Variants in NOTCH1 observed in about 807,000 individuals in gnomAD.
NOTCH1 encodes the protein neurogenic locus notch homolog protein 1.
NOTCH1 carries 37 observed loss-of-function variants against 254.8 expected under a neutral mutation model. The observed-to-expected ratio is 0.15, with a 90% CI of 0.11 to 0.19. The LOEUF (loss-of-function observed/expected upper bound fraction) is 0.19. Among genes scored for constraint, NOTCH1 ranks in the 10% least tolerant of loss-of-function variants. NOTCH1 has a pLI of 1.00. For synonymous variants in NOTCH1, 1,731 were observed against 1,618.1 expected (o/e 1.07, Z -1.68); for missense variants, 2,972 against 3,708.6 (o/e 0.80, Z 5.16).
rs11574900 is a variant in NOTCH1 at position 136,509,316 on chromosome 9, G to A, written c.2970-245C>T. Among the ~76,000 whole-genome samples, 688 of 152,284 alleles carry A rather than the reference G, an allele frequency of 4.5e-3. 5 individuals carry two copies. The highest frequency in any genetic ancestry group is 0.017 in the Middle Eastern group (5 of 294). ...CAGGTCGAGAGTGGTTTTACCAAAC[G>A]CGTGGGCATAGGGTGGTTAAAGTAA... On this transcript the variant is annotated intron_variant, in intron 18 of 33. Transcript: ENST00000651671.
At chr9:136,524,308 A>C (rs1244061878) in intron 2 of NOTCH1, among the ~76,000 whole-genome samples, 1 of 152,094 alleles carries the variant, frequency 6.6e-6, no homozygotes, top group Non-Finnish European at 1.5e-5. Context: ...TCAAAAAAAG[A>C]AAGAAAGAAG....
At chr9:136,537,762 C>T (rs551956077) in intron 2 of NOTCH1, among the ~76,000 whole-genome samples, 1 of 152,304 alleles carries the variant, frequency 6.6e-6, no homozygotes, top group East Asian at 1.9e-4. Context: ...CACCACTTCA[C>T]TCCAGCCTGT....
intron 2 of NOTCH1, among the ~76,000 whole-genome samples, chr9:136,535,397 A>G (rs867491324): frequency 5.9e-5 from 9 of 151,806 alleles, no homozygotes; most frequent in African/African-American, 2.2e-4. Flanking sequence ...TGAGCCTGTG[A>G]GTGGGGGGTT....
chr9:136,509,692 C>T (rs2133350072), intron 18 of NOTCH1, 41 bp downstream of exon 18: 1 of 1,584,216 alleles, frequency 6.3e-7, no homozygotes, highest in Non-Finnish European at 8.7e-7. Context: ...GTGGCCCGCA[C>T]CGCCCGTTCC....
At position 136,499,117 on chromosome 9, in the gene NOTCH1, T is replaced by A. The variant is rs1842959462; in HGVS notation, c.6077A>T (p.Asp2026Val). Residue 2026 changes from aspartate (D) to valine (V), a missense_variant, in exon 32 of 34, where the codon GAC (aspartate) becomes GTC (valine). Asp to Val is a radical substitution (Grantham distance 152). Around this residue, in one of 8 missense-constraint regions of NOTCH1, gnomAD observed 421 missense variants for 604.4 expected, o/e 0.70. Transcript: ENST00000651671. The part of the protein sequence containing the change: ...NSHADVNAVD[D>V]LGKSALHWAA... ...CCGTGCCCCCGTGGGCTCACCCAGG[T>A]CATCTACGGCGTTGACGTCGGCGTG... 6.2e-7 allele frequency: 1 copy of A among 1,613,048 alleles called. No homozygotes were observed. The highest frequency in any genetic ancestry group is 1.3e-5 in the African/African-American group (1 of 74,942).
rs1033593566 is a variant in NOTCH1 at position 136,497,036 on chromosome 9, G to A, written c.6703C>T (p.Pro2235Ser). The A allele has an allele frequency of 1.9e-6, 3 of 1,609,530 alleles. No individual in the cohort carries two copies. The highest frequency in any genetic ancestry group is 2.5e-6 in the Non-Finnish European group (3 of 1,178,284). Residue 2235 changes from proline to serine, a missense_variant, in exon 34 of 34, where the codon CCT (proline) becomes TCT (serine). By Grantham distance (74) the Pro-to-Ser change is moderately conservative (BLOSUM62 -1). This residue lies in a region of NOTCH1 where 529 missense variants were observed against 529.2 expected (regional missense o/e 1.00). Transcript: ENST00000651671. Reference protein sequence around the residue: ...QSPSVPLNHLPGMPDTHLGIG... With the variant: ...QSPSVPLNHLSGMPDTHLGIG... Reference sequence around the variant, plus strand: ...CCCAGGTGGGTGTCGGGCATCCCAGGCAGGTGGTTGAGGGGCACGGACGGA... The same window carrying A: ...CCCAGGTGGGTGTCGGGCATCCCAGACAGGTGGTTGAGGGGCACGGACGGA...
Position 136,515,685 on chromosome 9 carries a change from G to T in NOTCH1, c.1701C>A (p.Ile567=), listed in dbSNP as rs773932034. 5 of 1,554,636 alleles carry T rather than the reference G, an allele frequency of 3.2e-6. No individual in the cohort carries two copies. Among genetic ancestry groups the T allele is most frequent in the Non-Finnish European group, 3.5e-6 (4 of 1,155,644 alleles). ...GGCAGGGGTCGGGGTCGCACTCATC[G>T]ATGTCCACCTCGCAGTGCGTCCCCG... The part of the protein sequence containing the change: ...GYTGTHCEVD[I]DECDPDPCHY... The change falls in exon 11 of 34, where the codon ATC becomes ATA. Residue 567 remains isoleucine, a synonymous_variant. Coordinates refer to ENST00000651671, the MANE Select transcript of NOTCH1 (RefSeq NM_017617.5).
At chr9:136,522,174 T>G (rs2133376338) in intron 4 of NOTCH1, among the ~76,000 whole-genome samples, 1 of 152,214 alleles carries the variant, frequency 6.6e-6, no homozygotes, top group African/African-American at 2.4e-5. Flanking sequence ...AGACGGGGTT[T>G]CGCCGTGTTA....
chr9:136,496,399 C>G lies in NOTCH1; in HGVS notation c.7340G>C (p.Gly2447Ala), dbSNP rs1222163480. Residue 2447 changes from glycine (G) to alanine (A), a missense_variant, in exon 34 of 34, where the codon GGC (glycine) becomes GCC (alanine). Gly to Ala is a moderately conservative substitution (Grantham distance 60, BLOSUM62 0). Coordinates refer to ENST00000651671, the MANE Select transcript of NOTCH1 (RefSeq NM_017617.5). ...AGTGTGCACCGCCAGGCTGCTGGGG[C>G]CCAGTGGCTGCACGTCTGCCTGGCT... ...EPSQADVQPL[G>A]PSSLAVHTIL... 1 of 1,599,020 alleles carries G rather than the reference C, an allele frequency of 6.3e-7. No individual in the cohort carries two copies. Among genetic ancestry groups the G allele is most frequent in the Non-Finnish European group, 8.5e-7 (1 of 1,178,984 alleles).
At chr9:136,499,312 C>T (rs1321961825) in intron 31 of NOTCH1, 53 bp from the exon 32 acceptor site, 2 of 1,601,086 alleles carry the variant, frequency 1.2e-6, no homozygotes, top group Non-Finnish European at 1.7e-6. Flanking sequence ...ACACCGATGC[C>T]TCCTGCCCAG....
rs1843299996 is a variant in NOTCH1, at chr9:136,517,778, C to T, written c.1415G>A (p.Gly472Glu). The stretch of plus-strand genomic sequence containing the variant: ...GGGCATGCAGATGCACTGGAACTCC[C>T]CAATCTGGTCCAGGCAGGTGGCGTC... ...QNDATCLDQI[G>E]EFQCICMPGY... Residue 472 changes from glycine (G) to glutamate (E), a missense_variant, in exon 8 of 34, where the codon GGG (glycine) becomes GAG (glutamate). Physicochemically the swap from Gly to Glu is moderately conservative, Grantham distance 98. Coordinates refer to ENST00000651671, the MANE Select transcript of NOTCH1 (RefSeq NM_017617.5). 1 of 1,612,592 alleles carries T rather than the reference C, an allele frequency of 6.2e-7. No homozygotes were observed. The highest frequency in any genetic ancestry group is 1.3e-5 in the African/African-American group (1 of 74,922).
chr9:136,544,276 C>T (rs535940547), intron 1 of NOTCH1, among the ~76,000 whole-genome samples, 174 bp from the exon 2 acceptor site: 1 of 152,204 alleles, frequency 6.6e-6, no homozygotes, highest in Non-Finnish European at 1.5e-5. Flanking sequence ...GCAGGAAGCC[C>T]CTCCATGAAA....
At chr9:136,516,651 A>C (rs3124604) in intron 9 of NOTCH1, among the ~76,000 whole-genome samples, 68,699 of 151,998 alleles carry the variant, frequency 0.45, 17,245 homozygotes, top group East Asian at 0.86. Flanking sequence ...CCCTCCCAGC[A>C]TCGAGCCCTC....
At chr9:136,531,012 C>A (rs979060236) in intron 2 of NOTCH1, among the ~76,000 whole-genome samples, 2 of 152,250 alleles carry the variant, frequency 1.3e-5, no homozygotes, top group Admixed American at 1.3e-4. Context: ...AGGGGCTCCC[C>A]GGAGGGGCTC....
chr9:136,507,627 C>A (rs1436028146), intron 21 of NOTCH1, among the ~76,000 whole-genome samples, 190 bp from the exon 22 acceptor site: 1 of 152,192 alleles, frequency 6.6e-6, no homozygotes, highest in African/African-American at 2.4e-5. Context: ...CCTCGGTGAC[C>A]GGAGTCACTG....
intron 13 of NOTCH1, among the ~76,000 whole-genome samples, chr9:136,514,113 G>A (rs1047552580): frequency 4.1e-4 from 63 of 152,302 alleles, no homozygotes; most frequent in African/African-American, 1.4e-3. Flanking sequence ...GTGTGGCCCC[G>A]AACAAAGCAC....
chr9:136,506,382 CT>C lies in NOTCH1; in HGVS notation c.4014+144del. 4 of 632,634 alleles carry C rather than the reference CT, an allele frequency of 6.3e-6. No individual in the cohort carries two copies. The highest frequency in any genetic ancestry group is 1.1e-5 in the Non-Finnish European group (4 of 379,348). 39.2% of individuals were successfully genotyped at this position (632,634 alleles called of 1,614,324 possible). A position where few individuals can be genotyped will look rare whatever the true frequency, so the allele number is the denominator to read the frequency against. On this transcript the variant is annotated intron_variant, in intron 24 of 33. Coordinates refer to ENST00000651671, the MANE Select transcript of NOTCH1 (RefSeq NM_017617.5). This position sits in a 1 kb window ranked among gnomAD's most constrained non-coding sequence, Gnocchi z 4.5. ...ATGTCTCTAAAATCATTTATTGAAA[CT>C]AAAAAAAAAAAAAAGACATCAGGGT...
chr9:136,520,736 A>C (rs1234265808), intron 4 of NOTCH1, among the ~76,000 whole-genome samples: 2 of 151,062 alleles, frequency 1.3e-5, no homozygotes, highest in Non-Finnish European at 3.0e-5. Flanking sequence ...CTGTCTCAAA[A>C]AAAAAAAAAA....
At chr9:136,525,606 G>T (rs1022528172) in intron 2 of NOTCH1, among the ~76,000 whole-genome samples, 7 of 152,194 alleles carry the variant, frequency 4.6e-5, no homozygotes, top group African/African-American at 1.7e-4. Flanking sequence ...TGCGGCGGCC[G>T]CCTGCCCCAG....
Sources: allele counts gnomAD v4.1 joint callset (sites outside exome capture counted in the v4.1 genomes callset), GRCh38; gene constraint gnomAD v4.1.1; regional missense constraint gnomAD v4.1.1; non-coding constraint Gnocchi (gnomAD v3.1); transcripts MANE v1.5; gene names NCBI Gene and HGNC (gene_info 2026-07-23, HGNC 2026-07-21).